Variants in ZZZ3 observed in about 807,000 individuals in gnomAD.
ZZZ3 encodes ZZ-type zinc finger-containing protein 3.
ZZZ3 carries 22 observed loss-of-function variants against 95.2 expected under a neutral mutation model. The observed-to-expected ratio is 0.23, with a 90% CI of 0.17 to 0.33. The LOEUF is 0.33. ZZZ3 is among the 10% of genes least tolerant of loss of function. ZZZ3 has a pLI of 1.00. For missense variants in ZZZ3, 885 were observed against 1,066.5 expected, an observed-to-expected ratio of 0.83 and a Z score of 2.37; for synonymous variants, 335 against 358.9, an observed-to-expected ratio of 0.93 and a Z score of 0.75.
chr1:77,671,846 C>T (rs1408571942), intron 1 of ZZZ3, among the ~76,000 whole-genome samples: 1 of 152,138 alleles, frequency 6.6e-6, no homozygotes, highest in African/African-American at 2.4e-5. Context: ...ACAAGCGATA[C>T]ATTCCAAGAT....
chr1:77,604,034 G>A (rs1038012677), intron 5 of ZZZ3, among the ~76,000 whole-genome samples: 66 of 152,278 alleles, frequency 4.3e-4, no homozygotes, highest in Middle Eastern at 3.4e-3. Flanking sequence ...TGGGTATGGT[G>A]GTCCACACCG....
chr1:77,680,133 T>C (rs1384954628), intron 1 of ZZZ3, among the ~76,000 whole-genome samples: 1 of 152,242 alleles, frequency 6.6e-6, no homozygotes, highest in Non-Finnish European at 1.5e-5. Flanking sequence ...CAAATGTTAT[T>C]TAACAGAATA....
intron 1 of ZZZ3, among the ~76,000 whole-genome samples, chr1:77,681,358 C>G (rs1672738862): frequency 6.6e-6 from 1 of 152,076 alleles, no homozygotes; most frequent in Admixed American, 6.5e-5. Context: ...AATAAATTAA[C>G]TAGTCACCTG....
intron 12 of ZZZ3, among the ~76,000 whole-genome samples, chr1:77,573,296 T>C (rs1190919474): frequency 1.3e-5 from 2 of 151,716 alleles, no homozygotes; most frequent in African/African-American, 4.8e-5. Context: ...ATTTTTTTTT[T>C]TTTTAAGTAG....
chr1:77,640,262 C>T (rs552774541), intron 3 of ZZZ3, among the ~76,000 whole-genome samples: 1 of 152,154 alleles, frequency 6.6e-6, no homozygotes, highest in South Asian at 2.1e-4. Context: ...TTAGAACAGT[C>T]TGGTTAATTT....
chr1:77,645,062 G>GA (rs927526181), intron 1 of ZZZ3, among the ~76,000 whole-genome samples: 291 of 147,640 alleles, frequency 2.0e-3, no homozygotes, highest in African/African-American at 5.5e-3. Context: ...TGTCTCTACA[G>GA]AAAAAAAAAA....
At chr1:77,649,445 A>G (rs1036384773) in intron 1 of ZZZ3, among the ~76,000 whole-genome samples, 5 of 152,196 alleles carry the variant, frequency 3.3e-5, no homozygotes, top group African/African-American at 1.2e-4. Flanking sequence ...TTAAAATAGT[A>G]AAAAACCTAT....
chr1:77,630,240 G>A (rs905865940), intron 5 of ZZZ3, among the ~76,000 whole-genome samples: 1 of 152,164 alleles, frequency 6.6e-6, no homozygotes, highest in African/African-American at 2.4e-5. Flanking sequence ...CTGGGAGGCT[G>A]AGGTGGGAGG....
Position 77,568,324 on chromosome 1 carries a change from G to A in ZZZ3, c.2466+8C>T. 1 of 1,570,372 alleles carries A rather than the reference G, an allele frequency of 6.4e-7. No homozygotes were observed. The highest frequency in any genetic ancestry group is 8.6e-7 in the Non-Finnish European group (1 of 1,163,082). On this transcript the variant is annotated splice_region_variant and intron_variant, in intron 13 of 14. Transcript: ENST00000370801. ...ATGAAATGAATCCTAAAATTAAATA[G>A]AACTTACCTTAAAGCCCACATGTTG...
intron 1 of ZZZ3, among the ~76,000 whole-genome samples, chr1:77,654,316 C>T (rs954072911): frequency 2.6e-5 from 4 of 151,628 alleles, no homozygotes; most frequent in African/African-American, 9.7e-5. Context: ...AAAAATAATC[C>T]TAATTCTACC....
chr1:77,629,607 C>G (rs2100832557), intron 5 of ZZZ3, among the ~76,000 whole-genome samples: 1 of 152,246 alleles, frequency 6.6e-6, no homozygotes, highest in South Asian at 2.1e-4. Context: ...GCCCGGGTGG[C>G]AGAGTGAGAC....
intron 1 of ZZZ3, among the ~76,000 whole-genome samples, chr1:77,648,591 T>G (rs1176481941): frequency 6.6e-6 from 1 of 151,980 alleles, no homozygotes; most frequent in African/African-American, 2.4e-5. Flanking sequence ...GAGTTTGGAA[T>G]GAAAAATATG....
At chr1:77,612,380 G>T (rs1665897583) in intron 5 of ZZZ3, among the ~76,000 whole-genome samples, 2 of 151,960 alleles carry the variant, frequency 1.3e-5, no homozygotes, top group South Asian at 4.1e-4. Flanking sequence ...CAAACAGTAT[G>T]GAAGTTCCTA....
intron 11 of ZZZ3, 131 bp from the exon 12 acceptor site, chr1:77,576,351 T>C (rs1661939576): frequency 1.4e-6 from 1 of 719,680 alleles, no homozygotes; most frequent in Non-Finnish European, 2.1e-6. Flanking sequence ...CATACTCTTA[T>C]GTTGTTGCTT....
At chr1:77,667,395 G>C (rs278855) in intron 1 of ZZZ3, among the ~76,000 whole-genome samples, 63,998 of 151,976 alleles carry the variant, frequency 0.42, 15,750 homozygotes, top group African/African-American at 0.68. Flanking sequence ...CGTCTCCCTT[G>C]CAGTATGAAA....
chr1:77,601,629 T>C (rs1664736046), intron 5 of ZZZ3, among the ~76,000 whole-genome samples: 1 of 152,174 alleles, frequency 6.6e-6, no homozygotes, highest in South Asian at 2.1e-4. Flanking sequence ...TCACTGGCAG[T>C]AGGCTTAGCT....
chr1:77,582,913 T>A (rs1662673786), intron 6 of ZZZ3, among the ~76,000 whole-genome samples: 1 of 152,006 alleles, frequency 6.6e-6, no homozygotes, highest in Non-Finnish European at 1.5e-5. Context: ...CAGACCAACC[T>A]GGCCAACATG....
intron 5 of ZZZ3, among the ~76,000 whole-genome samples, chr1:77,594,575 G>A (rs1307135072): frequency 1.3e-5 from 2 of 151,988 alleles, no homozygotes; most frequent in Non-Finnish European, 2.9e-5. Flanking sequence ...AATGACGACA[G>A]TTCAGATATA....
At chr1:77,594,921 C>CCAAAA (rs767054227) in intron 5 of ZZZ3, among the ~76,000 whole-genome samples, 2 of 80,706 alleles carry the variant, frequency 2.5e-5, no homozygotes, top group Admixed American at 1.3e-4. Context: ...TTGACAGGCC[C>CCAAAA]AAAAAAAAAA....
Sources: allele counts gnomAD v4.1 joint callset (sites outside exome capture counted in the v4.1 genomes callset), GRCh38; gene constraint gnomAD v4.1.1; transcripts MANE v1.5; gene names NCBI Gene and HGNC (gene_info 2026-07-23, HGNC 2026-07-21).